The following LAMA3 variants were observed in gnomAD, a reference collection of about 807,000 sequenced individuals.
LAMA3 encodes the protein laminin subunit alpha-3.
LAMA3 carries 281 observed loss-of-function variants against 402.0 expected under a neutral mutation model. The observed-to-expected ratio is 0.70, with a 90% CI of 0.63 to 0.77. The LOEUF is 0.77. Among genes scored for constraint, LAMA3 ranks in the 30% least tolerant of loss-of-function variants. LAMA3 has a pLI of 0.00. For missense variants in LAMA3, 3,840 were observed against 4,215.5 expected (o/e 0.91, Z 2.47); for synonymous variants, 1,431 against 1,558.4 (o/e 0.92, Z 1.93).
At chr18:23,760,027 C>A (rs1270838908) in intron 7 of LAMA3, among the ~76,000 whole-genome samples, 1 of 152,132 alleles carries the variant, frequency 6.6e-6, no homozygotes, top group African/African-American at 2.4e-5. Context: ...CTTTCAAACA[C>A]TGATTTAGGA....
chr18:23,725,403 G>C (rs546324476), intron 2 of LAMA3, among the ~76,000 whole-genome samples: 1 of 152,160 alleles, frequency 6.6e-6, no homozygotes, highest in Non-Finnish European at 1.5e-5. Context: ...GAGCCACCGC[G>C]CCCGGCCTAA....
chr18:23,921,618 C>A (rs1279370869), intron 62 of LAMA3, 33 bp downstream of exon 62: 3 of 1,609,918 alleles, frequency 1.9e-6, no homozygotes, highest in Admixed American at 1.7e-5. Flanking sequence ...AGATTTAAAG[C>A]CTTTGTTAGT....
rs781307057 is a variant in LAMA3 at position 23,916,589 on chromosome 18, C to G, written c.7817C>G (p.Thr2606Arg). ...EESDKNYFEG[T>R]GYARVPTQPH... ...TCAGACAAAAATTATTTTGAAGGTA[C>G]GGGCTATGCTCGAGTTCCAACTCAA... The change falls in exon 60 of 75, where the codon ACG becomes AGG. Residue 2606 changes from threonine (T) to arginine (R), a missense_variant. By Grantham distance (71) the Thr-to-Arg change is moderately conservative. Around this residue, in one of 3 missense-constraint regions of LAMA3, gnomAD observed 840 missense variants for 981.9 expected, o/e 0.86. Transcript: ENST00000313654. 4 of 1,614,000 alleles carry G rather than the reference C, an allele frequency of 2.5e-6. No homozygotes were observed. The South Asian group carries it at 4.4e-5, about 18-fold the overall frequency.
intron 6 of LAMA3, among the ~76,000 whole-genome samples, chr18:23,757,257 A>T (rs2061867112): frequency 6.6e-6 from 1 of 151,910 alleles, no homozygotes. Flanking sequence ...CGCCTGGCTC[A>T]CGCTCCTGAG....
intron 55 of LAMA3, among the ~76,000 whole-genome samples, chr18:23,911,905 T>G (rs1395107763): frequency 1.4e-5 from 2 of 146,114 alleles, no homozygotes; most frequent in African/African-American, 4.9e-5. Context: ...TACATATAAT[T>G]ATATATGCAT....
At chr18:23,842,359 T>C (rs1310468028) in intron 27 of LAMA3, 36 bp from the exon 28 acceptor site, 2 of 1,613,394 alleles carry the variant, frequency 1.2e-6, no homozygotes, top group African/African-American at 2.7e-5. Flanking sequence ...AGCTTGAGGG[T>C]TTTTAATTTT....
intron 1 of LAMA3, among the ~76,000 whole-genome samples, chr18:23,702,001 A>G (rs2060798991): frequency 6.6e-6 from 1 of 152,116 alleles, no homozygotes; most frequent in Non-Finnish European, 1.5e-5. Flanking sequence ...AAGAAATGAG[A>G]TGCAGTGGGG....
chr18:23,786,740 G>C (rs187916338), intron 12 of LAMA3, among the ~76,000 whole-genome samples: 70 of 152,258 alleles, frequency 4.6e-4, no homozygotes, highest in African/African-American at 1.6e-3. Context: ...AGGAAATCAT[G>C]GTTAATGAAT....
intron 74 of LAMA3, 115 bp downstream of exon 74, chr18:23,953,224 G>A (rs1248648510): frequency 1.5e-6 from 2 of 1,362,322 alleles, no homozygotes; most frequent in Non-Finnish European, 1.0e-6. Flanking sequence ...GAGGCCCTTT[G>A]CACTGGCATG....
At chr18:23,772,095 G>C (rs2062211610) in intron 8 of LAMA3, among the ~76,000 whole-genome samples, 1 of 149,616 alleles carries the variant, frequency 6.7e-6, no homozygotes, top group East Asian at 2.0e-4. Context: ...TGGCTGGAGT[G>C]CAGTGGTGTG....
chr18:23,829,100 A>G (rs8099763), intron 23 of LAMA3, among the ~76,000 whole-genome samples: 98,471 of 152,096 alleles, frequency 0.65, 32,297 homozygotes, highest in Middle Eastern at 0.79. Context: ...CTAGGGAGAC[A>G]CTAACTGACT....
chr18:23,935,878 G>A (rs1452617000), intron 67 of LAMA3, among the ~76,000 whole-genome samples: 2 of 152,044 alleles, frequency 1.3e-5, no homozygotes, highest in Non-Finnish European at 2.9e-5. Flanking sequence ...GGTTCTTCTG[G>A]AGGAGGTACC....
rs1171682252 is a variant in LAMA3, at chr18:23,826,775, C to T, written c.2645C>T (p.Ala882Val). ...CAGCTGCCAGTCACAGAACCATGTG[C>T]CTACGCAGGACCTCCCCAAGAAAAG... ...VLQLPVTEPC[A>V]YAGPPQENCL... Residue 882 changes from alanine to valine, a missense_variant, in exon 22 of 75, where the codon GCC becomes GTC. Coordinates refer to ENST00000313654, the MANE Select transcript of LAMA3 (RefSeq NM_198129.4). 1 of 1,564,430 alleles carries T rather than the reference C, an allele frequency of 6.4e-7. No homozygotes were observed. The highest frequency in any genetic ancestry group is 2.3e-5 in the East Asian group (1 of 42,906).
Position 23,928,744 on chromosome 18 carries a change from A to G in LAMA3, c.8415A>G (p.Ile2805Met). The G allele has an allele frequency of 6.2e-7, 1 of 1,614,062 alleles. No individual in the cohort carries two copies. Among genetic ancestry groups the G allele is most frequent in the Admixed American group, 1.7e-5 (1 of 60,032 alleles). The stretch of plus-strand genomic sequence containing the variant: ...TTCAGACCTTTCAACCCAGTGGCAT[A>G]TTATTAGATCATCAGACATGGGTAT... ...FGFQTFQPSG[I>M]LLDHQTWTRN... Residue 2805 changes from isoleucine to methionine, a missense_variant, in exon 64 of 75, where the codon ATA becomes ATG. Ile to Met is a conservative substitution (Grantham distance 10). This residue lies in a region of LAMA3 where 840 missense variants were observed against 981.9 expected (regional missense o/e 0.86). Transcript: ENST00000313654.
chr18:23,689,642 C>G lies in LAMA3; in HGVS notation c.-42C>G. The G allele has an allele frequency of 8.0e-7, 1 of 1,252,438 alleles. No individual in the cohort carries two copies. The highest frequency in any genetic ancestry group is 1.0e-6 in the Non-Finnish European group (1 of 1,001,218). 77.6% of individuals were successfully genotyped at this position (1,252,438 alleles called of 1,614,324 possible). On this transcript the variant is annotated 5_prime_UTR_variant, in exon 1 of 75. Transcript: ENST00000313654. ...GCGGAGAGCGGCGGTGCCCCCGAGC[C>G]CCTCTGCGGACGGCTCAGGCGGGAG...
intron 34 of LAMA3, among the ~76,000 whole-genome samples, chr18:23,859,509 T>G (rs1318660374): frequency 1.3e-5 from 2 of 152,222 alleles, no homozygotes; most frequent in Non-Finnish European, 2.9e-5. Flanking sequence ...CCACTCCTCA[T>G]GTTTATAATC....
intron 29 of LAMA3, 29 bp downstream of exon 29, chr18:23,842,779 C>CCT (rs1568244421): frequency 6.2e-7 from 1 of 1,613,816 alleles, no homozygotes; most frequent in African/African-American, 1.3e-5. Context: ...TCAACTTGCT[C>CCT]CTCACATGCC....
At chr18:23,945,901 A>G (rs908267721) in intron 69 of LAMA3, among the ~76,000 whole-genome samples, 39 of 152,020 alleles carry the variant, frequency 2.6e-4, no homozygotes, top group African/African-American at 8.5e-4. Flanking sequence ...TCTTTTGATT[A>G]GTTCACTTCT....
At chr18:23,790,912 A>G (rs955216588) in intron 12 of LAMA3, among the ~76,000 whole-genome samples, 12 of 151,246 alleles carry the variant, frequency 7.9e-5, no homozygotes, top group Admixed American at 1.3e-4. Context: ...TTTTTAAGAC[A>G]GAGTCTCGCT....
Sources: allele counts gnomAD v4.1 joint callset (sites outside exome capture counted in the v4.1 genomes callset), GRCh38; gene constraint gnomAD v4.1.1; regional missense constraint gnomAD v4.1.1; transcripts MANE v1.5; gene names NCBI Gene and HGNC (gene_info 2026-07-23, HGNC 2026-07-21).